The following IRF8 variants were observed in gnomAD, a reference collection of about 807,000 sequenced individuals.
The protein encoded by IRF8 is interferon regulatory factor 8.
In IRF8, 14 loss-of-function variants were observed where a neutral mutation model predicts 48.7. The ratio of observed to expected loss-of-function variants is 0.29; its 90% confidence interval spans 0.19 to 0.45. IRF8 has a LOEUF of 0.45. IRF8 is among the 20% of genes least tolerant of loss of function. The probability of loss-of-function intolerance (pLI) is 1.00; values close to 1 mark genes in which losing one functional copy is unlikely to be tolerated. For missense variants in IRF8, 493 were observed against 580.7 expected (o/e 0.85, Z 1.55); for synonymous variants, 278 against 227.3 (o/e 1.22, Z -2.01).
chr16:85,909,545 T>G (rs1905087543), intron 3 of IRF8: 1 of 304,440 alleles, frequency 3.3e-6, no homozygotes, highest in Non-Finnish European at 6.4e-6. Context: ...TCATGAGGGT[T>G]GGGAGTAAAG....
In IRF8 at chr16:85,919,162, G is replaced by T. The variant is rs569301024; in HGVS notation, c.988+359G>T. 4.6e-5 allele frequency among the ~76,000 whole-genome samples: 7 copies of T among 152,296 alleles called. No individual in the cohort carries two copies. In the East Asian group the frequency reaches 1.4e-3, roughly 29 times the overall value. On this transcript the variant is annotated intron_variant, in intron 7 of 8. Transcript: ENST00000268638. ...ACACAGAGTCTGAGGCCCTGCTCCA[G>T]CCACAAGATCCGAACCTGCATCTTA...
Position 85,920,162 on chromosome 16 carries a change from C to T in IRF8, c.1042C>T (p.Leu348=). 6.3e-7 allele frequency: 1 copy of T among 1,595,502 alleles called. No individual in the cohort carries two copies. ...CCGGCTTCCTGACGGCAGGGTGGTG[C>T]TGTGCTTTGGGGAAGAGTTTCCGGA... ...QGRLPDGRVV[L]CFGEEFPDMA... Residue 348 remains leucine (L), a synonymous_variant, in exon 8 of 9, where the codon CTG becomes TTG. Transcript: ENST00000268638.
At chr16:85,899,629 A>G (rs752329120) in intron 1 of IRF8, among the ~76,000 whole-genome samples, 7 of 152,176 alleles carry the variant, frequency 4.6e-5, no homozygotes, top group Non-Finnish European at 1.0e-4. Flanking sequence ...GGAACTGCCC[A>G]ATAACCAGTC....
intron 1 of IRF8, among the ~76,000 whole-genome samples, chr16:85,900,232 G>T (rs1904787647): frequency 6.6e-6 from 1 of 152,154 alleles, no homozygotes. Flanking sequence ...GCCAGCTCAG[G>T]TGTGACCTGT....
chr16:85,918,830 C>T (rs775065467), intron 7 of IRF8, 27 bp downstream of exon 7: 3 of 1,602,900 alleles, frequency 1.9e-6, no homozygotes, highest in East Asian at 2.2e-5. Flanking sequence ...CCTTGCTGCC[C>T]CCACATCTTA....
intron 5 of IRF8, chr16:85,913,452 G>A (rs1429044716): frequency 3.4e-6 from 2 of 590,248 alleles, no homozygotes; most frequent in Non-Finnish European, 3.1e-6. Flanking sequence ...CTGCTTCTCA[G>A]GAGGGCACAA....
At chr16:85,900,940 C>G (rs1206806062) in intron 1 of IRF8, 3 of 152,166 alleles carry the variant, frequency 2.0e-5, no homozygotes, top group African/African-American at 7.2e-5. Context: ...GGCTCAGGAA[C>G]TGTGGATTCT....
chr16:85,911,654 A>C lies in IRF8; in HGVS notation c.443A>C (p.Lys148Thr). ...CGRSEIDELI[K>T]EPSVDDYMGM... The stretch of plus-strand genomic sequence containing the variant: ...CGCTCTGAAATCGACGAGCTGATCA[A>C]GGAGGTAAGCAGAGGCAGCATTTCA... The change falls in exon 4 of 9, where the codon AAG becomes ACG. Residue 148 changes from lysine (K) to threonine (T), a missense_variant. Transcript: ENST00000268638. The C allele has an allele frequency of 6.2e-7, 1 of 1,613,568 alleles. No individual in the cohort carries two copies. Among genetic ancestry groups the C allele is most frequent in the Non-Finnish European group, 8.5e-7 (1 of 1,179,602 alleles).
At chr16:85,911,520 C>G (rs745577540) in intron 3 of IRF8, 50 bp from the exon 4 acceptor site, 1 of 1,445,168 alleles carries the variant, frequency 6.9e-7, no homozygotes, top group South Asian at 1.1e-5. Context: ...TCAGCAAAGG[C>G]TGTGATGCCT....
Position 85,909,037 on chromosome 16 carries a change from A to T in IRF8, c.222A>T (p.Glu74Asp). The change falls in exon 3 of 9, where the codon GAA (glutamate) becomes GAT (aspartate). Residue 74 changes from glutamate to aspartate, a missense_variant. By Grantham distance (45) the Glu-to-Asp change is conservative. Transcript: ENST00000268638. ...KGKFKEGDKA[E>D]PATWKTRLRC... Reference sequence around the variant, plus strand: ...AGTTTAAAGAAGGGGACAAAGCTGAACCAGCCACTTGGAAGACGAGGTTAC... The same window carrying T: ...AGTTTAAAGAAGGGGACAAAGCTGATCCAGCCACTTGGAAGACGAGGTTAC... The T allele has an allele frequency of 6.2e-7, 1 of 1,600,372 alleles. No individual in the cohort carries two copies. The highest frequency in any genetic ancestry group is 8.5e-7 in the Non-Finnish European group (1 of 1,174,496).
At chr16:85,907,769 G>A (rs1290702314) in intron 2 of IRF8, among the ~76,000 whole-genome samples, 1 of 152,218 alleles carries the variant, frequency 6.6e-6, no homozygotes, top group Non-Finnish European at 1.5e-5. Context: ...GAATCTTGAG[G>A]GGCAAGGCCC....
intron 1 of IRF8, 86 bp from the exon 2 acceptor site, chr16:85,902,929 T>G: frequency 2.5e-5 from 36 of 1,457,344 alleles, no homozygotes; most frequent in Non-Finnish European, 3.2e-5. Context: ...TGCAAACCTC[T>G]GAGTTTCCTG....
chr16:85,908,450 T>TG (rs1567471982), intron 2 of IRF8, among the ~76,000 whole-genome samples: 1 of 152,066 alleles, frequency 6.6e-6, no homozygotes, highest in Non-Finnish European at 1.5e-5. Flanking sequence ...AAACAGCACC[T>TG]GGGGGGAAAA....
chr16:85,920,168 T>C lies in IRF8; in HGVS notation c.1048T>C (p.Phe350Leu). 6.2e-7 allele frequency: 1 copy of C among 1,613,944 alleles called. No individual in the cohort carries two copies. The highest frequency in any genetic ancestry group is 1.1e-5 in the South Asian group (1 of 91,074). The change falls in exon 8 of 9, where the codon TTT (phenylalanine) becomes CTT (leucine). Residue 350 changes from phenylalanine to leucine, a missense_variant. Phe to Leu is a conservative substitution (Grantham distance 22). Transcript: ENST00000268638. The stretch of plus-strand genomic sequence containing the variant: ...TCCTGACGGCAGGGTGGTGCTGTGC[T>C]TTGGGGAAGAGTTTCCGGATATGGC... The part of the protein sequence containing the change: ...RLPDGRVVLC[F>L]GEEFPDMAPL...
chr16:85,919,051 T>A (rs1383439522), intron 7 of IRF8, among the ~76,000 whole-genome samples: 1 of 152,130 alleles, frequency 6.6e-6, no homozygotes, highest in African/African-American at 2.4e-5. Flanking sequence ...AGTACCCTCA[T>A]CAGGTGATTG....
chr16:85,921,078 C>A (rs756267366), intron 8 of IRF8, 28 bp from the exon 9 acceptor site: 2 of 1,598,230 alleles, frequency 1.3e-6, no homozygotes, highest in South Asian at 2.2e-5. Context: ...TCCGCCTCTG[C>A]CTCTGACTTT....
At chr16:85,899,975 C>A (rs75958855) in intron 1 of IRF8, among the ~76,000 whole-genome samples, 4,909 of 152,218 alleles carry the variant, frequency 0.032, 103 homozygotes, top group East Asian at 0.074. Flanking sequence ...CAACCAATGG[C>A]CCCCCACTTT....
At chr16:85,906,169 G>A (rs1304240042) in intron 2 of IRF8, among the ~76,000 whole-genome samples, 1 of 152,120 alleles carries the variant, frequency 6.6e-6, no homozygotes, top group Non-Finnish European at 1.5e-5. Flanking sequence ...TCATTCAGCA[G>A]GCCTTGAAGG....
In IRF8 at chr16:85,911,628, T is replaced by G. The variant is rs369033423; in HGVS notation, c.417T>G (p.Gly139=). The G allele has an allele frequency of 5.6e-6, 9 of 1,613,986 alleles. No individual in the cohort carries two copies. Among genetic ancestry groups the G allele is most frequent in the Non-Finnish European group, 7.6e-6 (9 of 1,179,970 alleles). Residue 139 remains glycine (G), a synonymous_variant, in exon 4 of 9, where the codon GGT becomes GGG. Coordinates refer to ENST00000268638, the MANE Select transcript of IRF8 (RefSeq NM_002163.4). ...CVNEVTEMEC[G]RSEIDELIKE... is the part of the protein sequence containing the mutation. ...ATGAAGTTACAGAGATGGAGTGCGG[T>G]CGCTCTGAAATCGACGAGCTGATCA...
Sources: allele counts gnomAD v4.1 joint callset (sites outside exome capture counted in the v4.1 genomes callset), GRCh38; gene constraint gnomAD v4.1.1; transcripts MANE v1.5; gene names NCBI Gene and HGNC (gene_info 2026-07-23, HGNC 2026-07-21).